LTO1: variants seen among roughly 807,000 people sequenced by gnomAD.
LTO1 encodes the protein LTO1 maturation factor of ABCE1.
LTO1 carries 18 observed loss-of-function variants against 19.8 expected under a neutral mutation model. The ratio of observed to expected loss-of-function variants is 0.91; its 90% CI spans 0.63 to 1.35. The LOEUF (loss-of-function observed/expected upper bound fraction) is 1.35. Among genes scored for constraint, LTO1 ranks in the 40% most tolerant of loss-of-function variants. The pLI is 0.00. For synonymous variants in LTO1, 59 were observed against 59.6 expected (o/e 0.99, Z 0.05); for missense variants, 175 against 167.9 (o/e 1.04, Z -0.23).
Position 69,667,103 on chromosome 11 carries a change from C to T in LTO1, c.*416G>A, listed in dbSNP as rs780641656. ...CCTCGACATGCGGCACAGCACCCGT[C>T]CAAACCTCCCATGAGCCTCATTCGG... On this transcript the variant is annotated 3_prime_UTR_variant, in exon 5 of 5. Coordinates refer to ENST00000279147, the MANE Select transcript of LTO1 (RefSeq NM_153451.3). 17 of 176,470 alleles carry T rather than the reference C, an allele frequency of 9.6e-5. No homozygotes were observed. Among genetic ancestry groups the T allele is most frequent in the Non-Finnish European group, 1.3e-4 (11 of 84,858 alleles). The allele number at this position is 176,470 out of a possible 1,614,324, so 10.9% of individuals were successfully genotyped here.
rs1404536221 is a variant in LTO1 at position 69,667,251 on chromosome 11, C to T, written c.*268G>A. ...CCAGAACCAGCTAGGCCTGTGCTGC[C>T]GGAGAGGCTGTCAAGTCAATGCACG... On this transcript the variant is annotated 3_prime_UTR_variant, in exon 5 of 5. Transcript: ENST00000279147. 6 of 505,888 alleles carry T rather than the reference C, an allele frequency of 1.2e-5. No individual in the cohort carries two copies. Among genetic ancestry groups the T allele is most frequent in the Admixed American group, 7.5e-5 (2 of 26,620 alleles). The allele number at this position is 505,888 out of a possible 1,614,324, so 31.3% of individuals were successfully genotyped here.
chr11:69,673,888 G>A (rs1379857079), intron 1 of LTO1, among the ~76,000 whole-genome samples: 2 of 151,712 alleles, frequency 1.3e-5, no homozygotes, highest in African/African-American at 4.8e-5. Flanking sequence ...ATGGAGTCTC[G>A]CTTTGTCGCC....
chr11:69,674,659 T>C lies in LTO1; in HGVS notation c.50+531A>G, dbSNP rs79815973. 1.1e-3 allele frequency: 443 copies of C among 414,474 alleles called. 4 individuals carry two copies. The highest frequency in any genetic ancestry group is 6.7e-3 in the African/African-American group (325 of 48,272). 25.7% of individuals were successfully genotyped at this position (414,474 alleles called of 1,614,324 possible). A position where few individuals can be genotyped will look rare whatever the true frequency, so the allele number is the denominator to read the frequency against. On this transcript the variant is annotated intron_variant, in intron 1 of 4. Transcript: ENST00000279147. ...CTGACTGCTAAATGTTCGGCCGCTT[T>C]CTTAACTAACATCTATGGACGCGTC...
intron 3 of LTO1, among the ~76,000 whole-genome samples, chr11:69,669,808 C>T (rs926493489): frequency 6.6e-6 from 1 of 152,192 alleles, no homozygotes; most frequent in African/African-American, 2.4e-5. Context: ...AAGTGTCACG[C>T]AGTTTACCGG....
chr11:69,671,936 G>T (rs1403255411), intron 2 of LTO1, 117 bp from the exon 3 acceptor site: 1 of 708,958 alleles, frequency 1.4e-6, no homozygotes, highest in East Asian at 2.7e-5. Context: ...TCACACTATT[G>T]TTCTGGAAGC....
intron 1 of LTO1, chr11:69,674,783 T>C: frequency 2.1e-6 from 1 of 467,090 alleles, no homozygotes; most frequent in South Asian, 1.5e-5. Flanking sequence ...GGAAAAGGGG[T>C]GTGGTCGGGT....
At chr11:69,674,807 C>T (rs1375513570) in intron 1 of LTO1, 10 of 487,350 alleles carry the variant, frequency 2.1e-5, no homozygotes, top group African/African-American at 5.8e-5. Context: ...TCTATCAGCA[C>T]ATCCATGAAT....
intron 1 of LTO1, chr11:69,674,623 A>C: frequency 2.7e-6 from 1 of 377,340 alleles, no homozygotes; most frequent in South Asian, 2.0e-5. Flanking sequence ...GAGCTAAATA[A>C]ACGTCAGCGC....
intron 1 of LTO1, chr11:69,674,834 T>C (rs903800842): frequency 9.4e-6 from 5 of 532,634 alleles, no homozygotes; most frequent in African/African-American, 1.9e-5. Flanking sequence ...GTATGTCCTA[T>C]GATTAAGGAA....
chr11:69,669,923 G>T (rs1360634983), intron 3 of LTO1, among the ~76,000 whole-genome samples: 3 of 152,134 alleles, frequency 2.0e-5, no homozygotes, highest in Non-Finnish European at 2.9e-5. Context: ...TGACAATGCG[G>T]TGGCAGGTGT....
intron 4 of LTO1, 135 bp downstream of exon 4, chr11:69,667,760 G>A (rs1856052907): frequency 2.8e-6 from 2 of 713,094 alleles, no homozygotes; most frequent in East Asian, 2.6e-5. Context: ...ACTCAAGGAT[G>A]AGGCGCCTCT....
intron 1 of LTO1, 189 bp downstream of exon 1, chr11:69,675,001 G>A (rs1235468494): frequency 1.4e-6 from 1 of 696,598 alleles, no homozygotes; most frequent in South Asian, 1.5e-5. Context: ...CCCCGCCGGA[G>A]CGGGCCAGGA....
At position 69,674,822 on chromosome 11, in the gene LTO1, CCG is replaced by C. The variant is rs1299022766; in HGVS notation, c.50+366_50+367del. 7.8e-6 allele frequency: 4 copies of C among 509,644 alleles called. No homozygotes were observed. In the Admixed American group the frequency reaches 9.1e-5, roughly 12 times the overall value. 31.6% of individuals were successfully genotyped at this position (509,644 alleles called of 1,614,324 possible). ...TCTATCAGCACATCCATGAATACTG[CCG>C]TATGTCCTATGATTAAGGAACCAGA... On this transcript the variant is annotated intron_variant, in intron 1 of 4. Coordinates refer to ENST00000279147, the MANE Select transcript of LTO1 (RefSeq NM_153451.3).
In LTO1 at chr11:69,667,199, C is replaced by T; in HGVS notation, c.*320G>A. On this transcript the variant is annotated 3_prime_UTR_variant, in exon 5 of 5. Coordinates refer to ENST00000279147, the MANE Select transcript of LTO1 (RefSeq NM_153451.3). ...ACTGCCTTCAGTCCAGGCCTGGTGA[C>T]TGACCCTATCCAGAGCCAACTCCAA... 2.8e-6 allele frequency: 1 copy of T among 362,018 alleles called. No individual in the cohort carries two copies. Among genetic ancestry groups the T allele is most frequent in the South Asian group, 6.4e-5 (1 of 15,680 alleles). 22.4% of individuals were successfully genotyped at this position (362,018 alleles called of 1,614,324 possible). A position where few individuals can be genotyped will look rare whatever the true frequency, so the allele number is the denominator to read the frequency against.
Position 69,666,799 on chromosome 11 carries a change from A to G in LTO1, c.*720T>C, listed in dbSNP as rs915149944. ...TGCCCAGGTAAACTGGCCACCACAG[A>G]CTCCCCCGTGCTCCGTGAGGCTTGG... On this transcript the variant is annotated 3_prime_UTR_variant, in exon 5 of 5. Coordinates refer to ENST00000279147, the MANE Select transcript of LTO1 (RefSeq NM_153451.3). The G allele has an allele frequency of 6.6e-6, 1 of 150,960 alleles. No individual in the cohort carries two copies. Among genetic ancestry groups the G allele is most frequent in the African/African-American group, 2.4e-5 (1 of 40,842 alleles). 9.4% of individuals were successfully genotyped at this position (150,960 alleles called of 1,614,324 possible).
At chr11:69,667,833 G>A (rs1486642469) in intron 4 of LTO1, 62 bp downstream of exon 4, 8 of 916,552 alleles carry the variant, frequency 8.7e-6, no homozygotes, top group African/African-American at 6.5e-5. Context: ...GGAGTGCGCT[G>A]CCCCGCCTGG....
rs1373833497 is a variant in LTO1 at position 69,666,117 on chromosome 11, T to C, written c.*1402A>G. 1 of 152,058 alleles carries C rather than the reference T, an allele frequency of 6.6e-6. No individual in the cohort carries two copies. The highest frequency in any genetic ancestry group is 2.4e-5 in the African/African-American group (1 of 41,376). 9.4% of individuals were successfully genotyped at this position (152,058 alleles called of 1,614,324 possible). A position where few individuals can be genotyped will look rare whatever the true frequency, so the allele number is the denominator to read the frequency against. On this transcript the variant is annotated 3_prime_UTR_variant, in exon 5 of 5. Coordinates refer to ENST00000279147, the MANE Select transcript of LTO1 (RefSeq NM_153451.3). ...TTACAGTGAGCCGAGATCGCGCCAA[T>C]ACACTCCAAACTCGGCGACAGAGTG...
At chr11:69,671,691 C>A in intron 3 of LTO1, 58 bp downstream of exon 3, 1 of 923,618 alleles carries the variant, frequency 1.1e-6, no homozygotes, top group East Asian at 2.4e-5. Context: ...TGCTGGTAAC[C>A]CATGGAACTA....
rs1287451350 is a variant in LTO1 at position 69,665,882 on chromosome 11, T to TCACC, written c.*1636_*1637insGGTG. ...TCAAAAACAAAAAGCAGGCCGGGAG[T>TCACC]GGTGGCTCATGCCTGCAATTCCAGC... is the stretch of plus-strand genomic sequence containing the variant. On this transcript the variant is annotated 3_prime_UTR_variant, in exon 5 of 5. Coordinates refer to ENST00000279147, the MANE Select transcript of LTO1 (RefSeq NM_153451.3). 1 of 151,466 alleles carries TCACC rather than the reference T, an allele frequency of 6.6e-6. No homozygotes were observed. Among genetic ancestry groups the TCACC allele is most frequent in the East Asian group, 1.9e-4 (1 of 5,146 alleles). The allele number at this position is 151,466 out of a possible 1,614,324, so 9.4% of individuals were successfully genotyped here.
Sources: gnomAD v4.1 joint callset for allele counts (sites outside exome capture counted in the v4.1 genomes callset) on GRCh38, gnomAD v4.1.1 for gene constraint, MANE v1.5 for transcripts, NCBI Gene and HGNC (gene_info 2026-07-23, HGNC 2026-07-21) for gene names.